The following SNTG1 variants were observed in gnomAD, a reference collection of about 807,000 sequenced individuals.
SNTG1 encodes the protein gamma-1-syntrophin.
SNTG1 carries 39 observed loss-of-function variants against 74.7 expected under a neutral mutation model. The observed-to-expected ratio is 0.52, with a 90% CI of 0.40 to 0.68. SNTG1 has a LOEUF of 0.68. Ranked by LOEUF, SNTG1 falls within the 30% of genes least tolerant of loss-of-function variation. SNTG1 has a pLI of 0.00. For synonymous variants in SNTG1, 254 were observed against 217.1 expected (o/e 1.17, Z -1.49); for missense variants, 685 against 609.5 (o/e 1.12, Z -1.30).
chr8:50,260,738 T>A (rs1277521918), intron 2 of SNTG1, among the ~76,000 whole-genome samples: 3 of 95,988 alleles, frequency 3.1e-5, no homozygotes, highest in South Asian at 4.2e-4. Context: ...AGTAGAGAAA[T>A]AGCAATTCTA....
At chr8:49,954,530 C>CCAGAAACTGTATTT (rs1809993034) in intron 1 of SNTG1, among the ~76,000 whole-genome samples, 1 of 152,112 alleles carries the variant, frequency 6.6e-6, no homozygotes, top group African/African-American at 2.4e-5. Context: ...CTTGAAAGAA[C>CCAGAAACTGTATTT]CAGAAACTGT....
At chr8:50,647,804 A>G (rs766146289) in intron 13 of SNTG1, among the ~76,000 whole-genome samples, 1 of 152,128 alleles carries the variant, frequency 6.6e-6, no homozygotes, top group Non-Finnish European at 1.5e-5. Context: ...TCCTCTTGTC[A>G]TTTAATGTAT....
chr8:50,148,799 T>C (rs894864672), intron 1 of SNTG1, among the ~76,000 whole-genome samples: 9 of 152,218 alleles, frequency 5.9e-5, no homozygotes, highest in Admixed American at 3.9e-4. Flanking sequence ...CAGTCTATCA[T>C]TGATGCACAT....
chr8:50,339,382 C>A (rs2091250499), intron 2 of SNTG1, among the ~76,000 whole-genome samples: 3 of 151,922 alleles, frequency 2.0e-5, no homozygotes, highest in South Asian at 4.2e-4. Context: ...TAAATAAAAA[C>A]AAGATCTTGT....
At chr8:50,323,265 C>G (rs1563896568) in intron 2 of SNTG1, among the ~76,000 whole-genome samples, 1 of 151,960 alleles carries the variant, frequency 6.6e-6, no homozygotes, top group Non-Finnish European at 1.5e-5. Context: ...GTTGAATTTC[C>G]TCAGGTTCCC....
intron 2 of SNTG1, among the ~76,000 whole-genome samples, chr8:50,324,518 C>T (rs899052731): frequency 4.6e-5 from 7 of 152,222 alleles, no homozygotes; most frequent in African/African-American, 1.2e-4. Context: ...AGCATGTGGT[C>T]GGGGTAGGAG....
chr8:50,510,812 CTTT>C (rs2094064525), intron 9 of SNTG1, among the ~76,000 whole-genome samples: 1 of 151,940 alleles, frequency 6.6e-6, no homozygotes, highest in Non-Finnish European at 1.5e-5. Flanking sequence ...CTCTTTTCTT[CTTT>C]ATTAGTCTTG....
chr8:50,103,985 G>A (rs919006061), intron 1 of SNTG1, among the ~76,000 whole-genome samples: 6 of 152,230 alleles, frequency 3.9e-5, no homozygotes, highest in Non-Finnish European at 7.4e-5. Flanking sequence ...GAGGATTTTT[G>A]CATCAATGTT....
At chr8:49,913,370 T>C (rs1805742966) in intron 1 of SNTG1, among the ~76,000 whole-genome samples, 1 of 152,264 alleles carries the variant, frequency 6.6e-6, no homozygotes, top group Admixed American at 6.5e-5. Context: ...ATGGCTCTAA[T>C]GCATATCTAT....
At chr8:50,536,595 T>TC in intron 10 of SNTG1, 83 bp from the exon 11 acceptor site, 4 of 1,477,838 alleles carry the variant, frequency 2.7e-6, no homozygotes, top group Non-Finnish European at 3.7e-6. Flanking sequence ...AAAAATAATA[T>TC]CCCCCAGATA....
At chr8:50,220,594 A>C (rs2085014864) in intron 2 of SNTG1, among the ~76,000 whole-genome samples, 1 of 152,166 alleles carries the variant, frequency 6.6e-6, no homozygotes, top group South Asian at 2.1e-4. Flanking sequence ...TTGTTGGAGC[A>C]GAGCTGGTGG....
intron 1 of SNTG1, among the ~76,000 whole-genome samples, chr8:49,969,465 C>A (rs1439128482): frequency 7.4e-6 from 1 of 134,698 alleles, no homozygotes; most frequent in African/African-American, 2.8e-5. Flanking sequence ...GGTGCAATCT[C>A]GGCTCACTGC....
At chr8:50,116,778 T>C (rs1308533829) in intron 1 of SNTG1, among the ~76,000 whole-genome samples, 1 of 152,160 alleles carries the variant, frequency 6.6e-6, no homozygotes, top group Middle Eastern at 3.2e-3. Flanking sequence ...GCTGCTCCTA[T>C]TTGCCTGTTG....
chr8:50,725,033 G>T (rs558637704), intron 17 of SNTG1, among the ~76,000 whole-genome samples: 1 of 151,828 alleles, frequency 6.6e-6, no homozygotes, highest in African/African-American at 2.4e-5. Flanking sequence ...AATATCATTC[G>T]GCTCACTTTG....
intron 13 of SNTG1, among the ~76,000 whole-genome samples, chr8:50,644,913 C>A (rs1354936818): frequency 2.1e-5 from 3 of 143,494 alleles, no homozygotes; most frequent in African/African-American, 8.1e-5. Flanking sequence ...TTGCTATGCC[C>A]AGGTGCTTTT....
intron 2 of SNTG1, among the ~76,000 whole-genome samples, chr8:50,207,710 T>C (rs1254196999): frequency 2.6e-5 from 4 of 152,228 alleles, no homozygotes; most frequent in African/African-American, 7.2e-5. Flanking sequence ...TTTAGTGCTA[T>C]ACATTTCCCT....
chr8:50,361,535 T>A (rs2091959146), intron 2 of SNTG1, among the ~76,000 whole-genome samples: 1 of 152,178 alleles, frequency 6.6e-6, no homozygotes, highest in Non-Finnish European at 1.5e-5. Flanking sequence ...AGATAGGATC[T>A]CTCTAGGCTG....
Position 50,536,931 on chromosome 8 carries a change from G to A in SNTG1, c.680+123G>A, listed in dbSNP as rs115039652. ...TATGTTTTTGATAGTAGAAAGAAGAGCTTCAAAATAATAATCTAACAAAGT... is the reference window on the plus strand; with the variant it reads ...TATGTTTTTGATAGTAGAAAGAAGAACTTCAAAATAATAATCTAACAAAGT... On this transcript the variant is annotated intron_variant, in intron 11 of 18. Transcript: ENST00000642720. 8.3e-4 allele frequency: 995 copies of A among 1,200,118 alleles called. 5 individuals are homozygous for A. In the African/African-American group the frequency reaches 9.8e-3, roughly 12 times the overall value. 74.3% of individuals were successfully genotyped at this position (1,200,118 alleles called of 1,614,324 possible).
At chr8:50,569,694 G>A (rs1002789498) in intron 12 of SNTG1, among the ~76,000 whole-genome samples, 1 of 152,210 alleles carries the variant, frequency 6.6e-6, no homozygotes, top group African/African-American at 2.4e-5. Context: ...GTTGTGGAGT[G>A]TGGTGCTGAC....
Sources: gnomAD v4.1 joint callset for allele counts (sites outside exome capture counted in the v4.1 genomes callset) on GRCh38, gnomAD v4.1.1 for gene constraint, MANE v1.5 for transcripts, NCBI Gene and HGNC (gene_info 2026-07-23, HGNC 2026-07-21) for gene names.